Variants in SLC24A2 observed in about 807,000 individuals in gnomAD.
The protein encoded by SLC24A2 is sodium/potassium/calcium exchanger 2.
In SLC24A2, 36 loss-of-function variants were observed where a neutral mutation model predicts 62.0. The ratio of observed to expected loss-of-function variants is 0.58; its 90% CI spans 0.44 to 0.77. The LOEUF is 0.77. Among genes scored for constraint, SLC24A2 ranks in the 30% least tolerant of loss-of-function variants. SLC24A2 has a pLI of 0.00. For missense variants in SLC24A2, 846 were observed against 817.9 expected, an observed-to-expected ratio of 1.03 and a Z score of -0.42; for synonymous variants, 358 against 294.0, an observed-to-expected ratio of 1.22 and a Z score of -2.23.
chr9:20,132,565 G>T, the SLC24A2 span, among the ~76,000 whole-genome samples: 4 of 151,980 alleles, frequency 2.6e-5, no homozygotes, highest in Non-Finnish European at 4.4e-5. Context: ...ATCTTTTAAA[G>T]ACCTCAAATC....
the SLC24A2 span, among the ~76,000 whole-genome samples, chr9:20,225,560 TTATA>T: frequency 7.0e-5 from 7 of 100,268 alleles, 3 homozygotes; most frequent in African/African-American, 3.6e-4. Flanking sequence ...ACTATATATA[TTATA>T]TATATATATA....
the SLC24A2 span, among the ~76,000 whole-genome samples, chr9:20,182,860 A>G: frequency 9.9e-5 from 15 of 152,224 alleles, no homozygotes; most frequent in Non-Finnish European, 1.8e-4. Flanking sequence ...AAACTTCATG[A>G]TAAGAACCAA....
At position 19,507,988 on chromosome 9, in the gene SLC24A2, C is replaced by T. The variant is rs1387793837; in HGVS notation, c.*8165G>A. ...TCTATGTTGGCGTCAACGTTGACAACATTTTCTTTGTTTTAACCGTATCTG... is the reference window on the plus strand; with the variant it reads ...TCTATGTTGGCGTCAACGTTGACAATATTTTCTTTGTTTTAACCGTATCTG... On this transcript the variant is annotated 3_prime_UTR_variant, in exon 11 of 11. Transcript: ENST00000341998. The T allele has an allele frequency of 6.6e-6, 1 of 152,210 alleles. No individual in the cohort carries two copies. Among genetic ancestry groups the T allele is most frequent in the Non-Finnish European group, 1.5e-5 (1 of 68,032 alleles). The allele number at this position is 152,210 out of a possible 1,614,324, so 9.4% of individuals were successfully genotyped here. A position where few individuals can be genotyped will look rare whatever the true frequency, so the allele number is the denominator to read the frequency against.
the SLC24A2 span, among the ~76,000 whole-genome samples, chr9:20,300,090 A>G: frequency 1.3e-5 from 2 of 152,226 alleles, no homozygotes; most frequent in Non-Finnish European, 2.9e-5. Context: ...TACACAGATG[A>G]TGGTTGGATA....
chr9:19,698,833 T>C (rs1820272081), intron 2 of SLC24A2, among the ~76,000 whole-genome samples: 1 of 152,188 alleles, frequency 6.6e-6, no homozygotes, highest in Admixed American at 6.5e-5. Context: ...GTATGGGAAT[T>C]GTACCACTGC....
At chr9:20,085,847 T>C in the SLC24A2 span, among the ~76,000 whole-genome samples, 3 of 152,336 alleles carry the variant, frequency 2.0e-5, no homozygotes, top group East Asian at 5.8e-4. Context: ...ACTTGTTCAC[T>C]ACATTAATTT....
At chr9:19,756,298 A>G (rs1230756655) in intron 2 of SLC24A2, among the ~76,000 whole-genome samples, 1 of 152,216 alleles carries the variant, frequency 6.6e-6, no homozygotes. Context: ...GCCCTTCTGC[A>G]GAGGAGTTTT....
intron 5 of SLC24A2, among the ~76,000 whole-genome samples, chr9:19,579,609 A>C (rs530249741): frequency 7.9e-5 from 12 of 152,220 alleles, no homozygotes; most frequent in Non-Finnish European, 1.3e-4. Flanking sequence ...AATATTTGCT[A>C]TTGGAAAATT....
chr9:19,890,816 G>C, the SLC24A2 span, among the ~76,000 whole-genome samples: 5 of 152,074 alleles, frequency 3.3e-5, no homozygotes, highest in African/African-American at 9.7e-5. Flanking sequence ...GCTTTTAATA[G>C]TATCTGTATT....
At chr9:19,654,685 T>C (rs780255170) in intron 2 of SLC24A2, among the ~76,000 whole-genome samples, 9 of 152,198 alleles carry the variant, frequency 5.9e-5, no homozygotes, top group Admixed American at 1.3e-4. Flanking sequence ...TGTCCTTTTT[T>C]TTCATTTACC....
chr9:20,201,265 T>A, the SLC24A2 span, among the ~76,000 whole-genome samples: 1 of 152,266 alleles, frequency 6.6e-6, no homozygotes, highest in Admixed American at 6.5e-5. Flanking sequence ...TTTGTCATCT[T>A]CAGCCTCACT....
intron 5 of SLC24A2, among the ~76,000 whole-genome samples, chr9:19,592,333 C>A (rs1020636266): frequency 6.6e-6 from 1 of 152,056 alleles, no homozygotes; most frequent in Non-Finnish European, 1.5e-5. Flanking sequence ...TACAAATGAA[C>A]AAGGATTGAC....
the SLC24A2 span, among the ~76,000 whole-genome samples, chr9:20,077,090 A>G: frequency 1.3e-5 from 2 of 151,942 alleles, no homozygotes; most frequent in South Asian, 4.1e-4. Flanking sequence ...AATCTTTTTA[A>G]AAAAAGGTTC....
Position 19,707,306 on chromosome 9 carries a change from C to T in SLC24A2, c.930+78631G>A, listed in dbSNP as rs1224461984. Reference sequence around the variant, plus strand: ...AAAAGTCCAGGACCAGATGGATTCACAGCCGAATTCTACCAGAGGTACAAG... The same window carrying T: ...AAAAGTCCAGGACCAGATGGATTCATAGCCGAATTCTACCAGAGGTACAAG... On this transcript the variant is annotated intron_variant, in intron 2 of 10. Coordinates refer to ENST00000341998, the MANE Select transcript of SLC24A2 (RefSeq NM_020344.4). Among the ~76,000 whole-genome samples, 18 of 152,310 alleles carry T rather than the reference C, an allele frequency of 1.2e-4. No homozygotes were observed. The South Asian group carries it at 1.2e-3, about 11-fold the overall frequency.
the SLC24A2 span, among the ~76,000 whole-genome samples, chr9:20,217,626 T>C: frequency 6.6e-6 from 1 of 152,114 alleles, no homozygotes; most frequent in Non-Finnish European, 1.5e-5. Context: ...TTTGAACACA[T>C]CGGGGGGTAA....
the SLC24A2 span, among the ~76,000 whole-genome samples, chr9:19,956,641 G>A: frequency 9.2e-5 from 14 of 152,196 alleles, no homozygotes; most frequent in South Asian, 8.3e-4. Context: ...GGAAACTCCC[G>A]TTTTTAAAAC....
chr9:19,885,984 C>T, the SLC24A2 span, among the ~76,000 whole-genome samples: 5 of 152,166 alleles, frequency 3.3e-5, no homozygotes, highest in African/African-American at 1.2e-4. Flanking sequence ...ACATTCTCTT[C>T]AGCCAGTCTA....
the SLC24A2 span, among the ~76,000 whole-genome samples, chr9:20,012,083 A>G: frequency 1.3e-5 from 2 of 152,208 alleles, no homozygotes; most frequent in Non-Finnish European, 2.9e-5. Flanking sequence ...GGCTAACATC[A>G]TTCTCAGTGG....
the SLC24A2 span, among the ~76,000 whole-genome samples, chr9:19,800,034 C>T: frequency 6.6e-6 from 1 of 152,164 alleles, no homozygotes; most frequent in Non-Finnish European, 1.5e-5. Context: ...TGCATCATTG[C>T]AGTCTCTGCC....
Sources: gnomAD v4.1 joint callset for allele counts (sites outside exome capture counted in the v4.1 genomes callset) on GRCh38, gnomAD v4.1.1 for gene constraint, MANE v1.5 for transcripts, NCBI Gene and HGNC (gene_info 2026-07-23, HGNC 2026-07-21) for gene names.